MRTFB: variants seen among roughly 807,000 people sequenced by gnomAD.
MRTFB encodes myocardin-related transcription factor B.
In MRTFB, 29 loss-of-function variants were observed where a neutral mutation model predicts 104.2. The observed-to-expected ratio is 0.28, with a 90% confidence interval of 0.21 to 0.38. The LOEUF (loss-of-function observed/expected upper bound fraction) is 0.38. MRTFB is among the 10% of genes least tolerant of loss of function. MRTFB has a pLI of 1.00. For missense variants in MRTFB, 1,270 were observed against 1,341.6 expected (o/e 0.95, Z 0.83); for synonymous variants, 535 against 519.5 (o/e 1.03, Z -0.41).
At chr16:14,207,864 A>C (rs563300990) in intron 3 of MRTFB, among the ~76,000 whole-genome samples, 1 of 152,246 alleles carries the variant, frequency 6.6e-6, no homozygotes, top group Non-Finnish European at 1.5e-5. Context: ...CAACTTTATA[A>C]CTCATTGGTC....
chr16:14,073,123 C>T (rs997709848), intron 1 of MRTFB, among the ~76,000 whole-genome samples: 1 of 152,182 alleles, frequency 6.6e-6, no homozygotes, highest in African/African-American at 2.4e-5. Context: ...TTGCTACTTT[C>T]TCCTACATTA....
intron 3 of MRTFB, among the ~76,000 whole-genome samples, chr16:14,190,880 T>A (rs1293627605): frequency 1.3e-5 from 2 of 152,190 alleles, no homozygotes; most frequent in African/African-American, 4.8e-5. Flanking sequence ...GGGCCACATT[T>A]CCAGTTCTGC....
At chr16:14,193,210 C>CAAAAAAAAAAAAAAAAAAA (rs10616011) in intron 3 of MRTFB, among the ~76,000 whole-genome samples, 1 of 56,402 alleles carries the variant, frequency 1.8e-5, no homozygotes, top group Non-Finnish European at 3.1e-5. Flanking sequence ...GACCCTGTCT[C>CAAAAAAAAAAAAAAAAAAA]AAAAAAAAAA....
chr16:14,135,152 A>T (rs2037644475), intron 2 of MRTFB, among the ~76,000 whole-genome samples: 1 of 152,130 alleles, frequency 6.6e-6, no homozygotes, highest in South Asian at 2.1e-4. Flanking sequence ...ACTCTTTGTG[A>T]GTAGCCCCTC....
At chr16:14,142,497 G>A (rs749647098) in intron 3 of MRTFB, 6 of 151,434 alleles carry the variant, frequency 4.0e-5, no homozygotes, top group African/African-American at 1.5e-4. Context: ...ATCCACCTAC[G>A]TCGGCCTCCC....
At chr16:13,995,129 T>A in the MRTFB span, among the ~76,000 whole-genome samples, 1 of 152,306 alleles carries the variant, frequency 6.6e-6, no homozygotes, top group South Asian at 2.1e-4. Context: ...CAGCCCTTCG[T>A]TGGTTGATCT....
intron 2 of MRTFB, among the ~76,000 whole-genome samples, chr16:14,085,072 A>G (rs2034616928): frequency 6.6e-6 from 1 of 152,188 alleles, no homozygotes; most frequent in Non-Finnish European, 1.5e-5. Flanking sequence ...TTGAGCCTGG[A>G]GTTGGAGACC....
chr16:14,021,827 G>T, the MRTFB span, among the ~76,000 whole-genome samples: 2 of 152,144 alleles, frequency 1.3e-5, no homozygotes, highest in African/African-American at 4.8e-5. Context: ...TGATTGATGG[G>T]TATTTGGGCT....
chr16:14,050,923 A>G, the MRTFB span, among the ~76,000 whole-genome samples: 2 of 152,006 alleles, frequency 1.3e-5, no homozygotes, highest in African/African-American at 4.8e-5. Context: ...AATTCCTGGC[A>G]CCTTACACTC....
At chr16:14,217,752 ATTTAG>A (rs2041490535) in intron 7 of MRTFB, among the ~76,000 whole-genome samples, 2 of 152,062 alleles carry the variant, frequency 1.3e-5, no homozygotes, top group African/African-American at 4.8e-5. Context: ...AGTTAAACTT[ATTTAG>A]TTTAATATTT....
At chr16:14,189,520 A>T (rs1339190799) in intron 3 of MRTFB, among the ~76,000 whole-genome samples, 1 of 152,232 alleles carries the variant, frequency 6.6e-6, no homozygotes, top group Non-Finnish European at 1.5e-5. Context: ...AAAAGAGACA[A>T]ATATATAAAT....
the MRTFB span, among the ~76,000 whole-genome samples, chr16:14,065,727 A>C: frequency 6.6e-6 from 1 of 152,150 alleles, no homozygotes; most frequent in Non-Finnish European, 1.5e-5. Flanking sequence ...CGTGGGCAAC[A>C]TAGCAAGACC....
intron 3 of MRTFB, among the ~76,000 whole-genome samples, chr16:14,187,197 GTAGCTGT>G (rs1315980988): frequency 2.6e-5 from 4 of 152,170 alleles, no homozygotes; most frequent in African/African-American, 9.7e-5. Flanking sequence ...GCTGTTCTGG[GTAGCTGT>G]TACTAAAGAT....
chr16:14,229,399 A>T (rs16963574), intron 8 of MRTFB, among the ~76,000 whole-genome samples: 16,321 of 152,242 alleles, frequency 0.11, 1,900 homozygotes, highest in African/African-American at 0.29. Flanking sequence ...TTAAAGAGTA[A>T]TTGCATTTTG....
At chr16:14,110,804 T>A (rs1305185500) in intron 2 of MRTFB, among the ~76,000 whole-genome samples, 1 of 152,192 alleles carries the variant, frequency 6.6e-6, no homozygotes, top group Admixed American at 6.5e-5. Flanking sequence ...CCTTCCACCC[T>A]TTCTCTGCCC....
At chr16:14,017,707 A>ATTT in the MRTFB span, among the ~76,000 whole-genome samples, 12 of 18,822 alleles carry the variant, frequency 6.4e-4, 2 homozygotes, top group Non-Finnish European at 9.0e-4. Flanking sequence ...ATATATATAT[A>ATTT]TATATTTTTT....
intron 3 of MRTFB, among the ~76,000 whole-genome samples, chr16:14,197,789 A>T (rs1044329286): frequency 6.6e-6 from 1 of 152,174 alleles, no homozygotes; most frequent in African/African-American, 2.4e-5. Context: ...GTAGTTACCA[A>T]ATTGTTAAAA....
At chr16:14,229,980 G>A (rs997400945) in intron 8 of MRTFB, among the ~76,000 whole-genome samples, 1 of 151,956 alleles carries the variant, frequency 6.6e-6, no homozygotes, top group Non-Finnish European at 1.5e-5. Flanking sequence ...TTGAACTTAG[G>A]TCTCGGCAGC....
At position 14,227,129 on chromosome 16, in the gene MRTFB, T is replaced by G. The variant is rs2042039762; in HGVS notation, c.694-7017T>G. ...TTTGGATGTTTGTCTCCTTCAAACC[T>G]CATGTCAAAATTTGATCCCCATTGT... On this transcript the variant is annotated intron_variant, in intron 8 of 16. Coordinates refer to ENST00000571589, the MANE Select transcript of MRTFB (RefSeq NM_001308142.2). 2.0e-5 allele frequency among the ~76,000 whole-genome samples: 3 copies of G among 152,128 alleles called. 1 individual carries two copies. The South Asian group carries it at 6.2e-4, about 32-fold the overall frequency.
Sources: gnomAD v4.1 joint callset for allele counts (sites outside exome capture counted in the v4.1 genomes callset) on GRCh38, gnomAD v4.1.1 for gene constraint, MANE v1.5 for transcripts, NCBI Gene and HGNC (gene_info 2026-07-23, HGNC 2026-07-21) for gene names.